DGKD: variants seen among roughly 807,000 people sequenced by gnomAD.
DGKD encodes DAG kinase delta.
Under a neutral mutation model 154.4 loss-of-function variants are expected in DGKD, and 68 were observed. The ratio of observed to expected loss-of-function variants is 0.44; its 90% CI spans 0.36 to 0.54. The LOEUF (loss-of-function observed/expected upper bound fraction) is 0.54. DGKD is among the 20% of genes least tolerant of loss of function. DGKD has a pLI of 0.00. For missense variants in DGKD, 1,343 were observed against 1,593.6 expected (o/e 0.84, Z 2.68); for synonymous variants, 693 against 638.0 (o/e 1.09, Z -1.30).
In DGKD at chr2:233,454,760, C is replaced by T. The variant is rs373029388; in HGVS notation, c.2265-3C>T. The T allele has an allele frequency of 3.2e-6, 5 of 1,581,614 alleles. No homozygotes were observed. The highest frequency in any genetic ancestry group is 4.3e-6 in the Non-Finnish European group (5 of 1,150,896). On this transcript the variant is annotated splice_region_variant and splice_polypyrimidine_tract_variant and intron_variant, in intron 18 of 29. Transcript: ENST00000264057. ...GTAATTGATTTAAAACTCACCTTTG[C>T]AGAGAGTATTACACGGAGAAATGTG...
At chr2:233,462,786 T>C in intron 26 of DGKD, 51 bp downstream of exon 26, 1 of 1,521,834 alleles carries the variant, frequency 6.6e-7, no homozygotes, top group Non-Finnish European at 9.1e-7. Flanking sequence ...GTGAAACGAC[T>C]GCTGTCGCCA....
chr2:233,364,661 T>G (rs1379091063), intron 1 of DGKD, among the ~76,000 whole-genome samples: 1 of 151,998 alleles, frequency 6.6e-6, no homozygotes, highest in African/African-American at 2.4e-5. Flanking sequence ...ACAAGAAAAA[T>G]AGAATCAGAG....
At chr2:233,425,740 GT>G (rs1383940696) in intron 3 of DGKD, among the ~76,000 whole-genome samples, 2 of 152,224 alleles carry the variant, frequency 1.3e-5, no homozygotes, top group East Asian at 3.9e-4. Flanking sequence ...TGGCTGCATA[GT>G]TTTCTGTTAT....
chr2:233,381,253 A>G lies in DGKD; in HGVS notation c.157-7004A>G, dbSNP rs78505555. The stretch of plus-strand genomic sequence containing the variant: ...GCACACTCCCTCAGCTTCTGCCAGG[A>G]TGCGGTAAGATCAGCTTATAGGTAG... On this transcript the variant is annotated intron_variant, in intron 1 of 29. Transcript: ENST00000264057. Among the ~76,000 whole-genome samples the G allele has an allele frequency of 3.6e-3, 553 of 152,324 alleles. 18 individuals carry two copies. In the East Asian group the frequency reaches 0.081, roughly 22 times the overall value.
intron 8 of DGKD, among the ~76,000 whole-genome samples, chr2:233,437,776 G>A (rs754368032): frequency 1.3e-5 from 2 of 152,192 alleles, no homozygotes; most frequent in South Asian, 4.1e-4. Flanking sequence ...TGACGTGGAG[G>A]TGATGCTGTT....
At chr2:233,424,051 G>A (rs548977306) in intron 3 of DGKD, among the ~76,000 whole-genome samples, 1 of 152,154 alleles carries the variant, frequency 6.6e-6, no homozygotes, top group African/African-American at 2.4e-5. Context: ...TCTGAATTTG[G>A]ACCCGTGAAA....
At chr2:233,424,488 G>C (rs1011031736) in intron 3 of DGKD, among the ~76,000 whole-genome samples, 2 of 152,198 alleles carry the variant, frequency 1.3e-5, no homozygotes, top group African/African-American at 4.8e-5. Flanking sequence ...TCCTTGTGCT[G>C]ATCCTCCAAG....
chr2:233,386,088 A>G (rs895224546), intron 1 of DGKD: 3 of 426,854 alleles, frequency 7.0e-6, no homozygotes, highest in Non-Finnish European at 1.5e-5. Context: ...GAGATGCAAG[A>G]AAAAATACTC....
intron 2 of DGKD, chr2:233,388,740 C>CTTTTTT (rs57415272): frequency 3.2e-4 from 22 of 69,292 alleles, no homozygotes; most frequent in African/African-American, 1.2e-3. Context: ...TATTGAAGTT[C>CTTTTTT]TTTTTTTTTT....
In DGKD at chr2:233,402,534, A is replaced by G. The variant is rs544774804; in HGVS notation, c.348+12051A>G. 5.3e-5 allele frequency among the ~76,000 whole-genome samples: 8 copies of G among 152,294 alleles called. No homozygotes were observed. The South Asian group carries it at 1.7e-3, about 32-fold the overall frequency. ...TCTGTTGCTTCTTTTTGTTAGCACA[A>G]CAGAGAGAATGTTGACTCACCCCTT... On this transcript the variant is annotated intron_variant, in intron 3 of 29. Coordinates refer to ENST00000264057, the MANE Select transcript of DGKD (RefSeq NM_152879.3).
At chr2:233,406,017 A>G (rs546216672) in intron 3 of DGKD, among the ~76,000 whole-genome samples, 122 of 152,338 alleles carry the variant, frequency 8.0e-4, no homozygotes, top group African/African-American at 2.9e-3. Context: ...AGACATCTGA[A>G]ATCATGGTGT....
intron 27 of DGKD, among the ~76,000 whole-genome samples, chr2:233,465,804 A>T (rs999162464): frequency 3.3e-5 from 5 of 152,218 alleles, no homozygotes; most frequent in African/African-American, 1.2e-4. Context: ...TGTGTTTTAA[A>T]AGAAACCTAA....
intron 3 of DGKD, among the ~76,000 whole-genome samples, chr2:233,417,412 T>C (rs2061986265): frequency 6.6e-6 from 1 of 152,214 alleles, no homozygotes; most frequent in Non-Finnish European, 1.5e-5. Context: ...TTTAAAAACA[T>C]TTAATATTGC....
chr2:233,443,011 C>G (rs974292016), intron 10 of DGKD, among the ~76,000 whole-genome samples: 1 of 152,206 alleles, frequency 6.6e-6, no homozygotes, highest in Non-Finnish European at 1.5e-5. Context: ...CCCGGGAGCC[C>G]AGGGCCAGCT....
rs1376175377 is a variant in DGKD, at chr2:233,459,980, G to A, written c.2829+89G>A. ...ACTGTTAAGAGCTGGAGCTTTTTGT[G>A]TTTTGTTCTAGGATTTTTTTTTTTT... On this transcript the variant is annotated intron_variant, in intron 23 of 29. Transcript: ENST00000264057. This position sits in a 1 kb window ranked among gnomAD's most constrained non-coding sequence, Gnocchi z 5.7. 6.8e-7 allele frequency: 1 copy of A among 1,478,934 alleles called. No individual in the cohort carries two copies. The highest frequency in any genetic ancestry group is 1.5e-5 in the African/African-American group (1 of 68,748). The allele number at this position is 1,478,934 out of a possible 1,614,324, so 91.6% of individuals were successfully genotyped here. A position where few individuals can be genotyped will look rare whatever the true frequency, so the allele number is the denominator to read the frequency against.
At chr2:233,366,767 G>A (rs982866434) in intron 1 of DGKD, among the ~76,000 whole-genome samples, 4 of 152,044 alleles carry the variant, frequency 2.6e-5, no homozygotes, top group East Asian at 1.9e-4. Context: ...ACAGTGTGAC[G>A]GGGTCAGGGC....
intron 25 of DGKD, 38 bp from the exon 26 acceptor site, chr2:233,462,604 GC>G (rs774931332): frequency 1.3e-6 from 2 of 1,593,736 alleles, no homozygotes; most frequent in Non-Finnish European, 8.6e-7. Flanking sequence ...TGCATGTTCG[GC>G]CCCCCGCCCC....
At chr2:233,360,238 G>T (rs994178790) in intron 1 of DGKD, among the ~76,000 whole-genome samples, 1 of 151,998 alleles carries the variant, frequency 6.6e-6, no homozygotes, top group Admixed American at 6.6e-5. Context: ...CACATAATAA[G>T]ATATTAGTTA....
chr2:233,436,505 C>T (rs763632114), intron 7 of DGKD, 64 bp downstream of exon 7: 21 of 1,557,682 alleles, frequency 1.3e-5, no homozygotes, highest in Non-Finnish European at 1.6e-5. Flanking sequence ...CCCATGCGGG[C>T]CTTGCGGCTC....
Sources: allele counts gnomAD v4.1 joint callset (sites outside exome capture counted in the v4.1 genomes callset), GRCh38; gene constraint gnomAD v4.1.1; non-coding constraint Gnocchi (gnomAD v3.1); transcripts MANE v1.5; gene names NCBI Gene and HGNC (gene_info 2026-07-23, HGNC 2026-07-21).